The following NKAIN2 variants were observed in gnomAD, a reference collection of about 807,000 sequenced individuals.
NKAIN2 encodes the protein sodium/potassium transporting ATPase interacting 2.
NKAIN2 carries 14 observed loss-of-function variants against 32.6 expected under a neutral mutation model. The observed-to-expected ratio is 0.43, with a 90% CI of 0.28 to 0.67. The LOEUF is 0.67. Among genes scored for constraint, NKAIN2 ranks in the 30% least tolerant of loss-of-function variants. The pLI is 0.17. For synonymous variants in NKAIN2, 80 were observed against 87.2 expected, an observed-to-expected ratio of 0.92 and a Z score of 0.46; for missense variants, 198 against 258.3, an observed-to-expected ratio of 0.77 and a Z score of 1.60.
At chr6:124,398,830 T>C (rs1056993801) in intron 3 of NKAIN2, among the ~76,000 whole-genome samples, 1 of 152,182 alleles carries the variant, frequency 6.6e-6, no homozygotes, top group African/African-American at 2.4e-5. Flanking sequence ...AGTTTGAGAC[T>C]AAGTATATAC....
chr6:124,749,682 C>A (rs1777621645), intron 4 of NKAIN2, among the ~76,000 whole-genome samples: 1 of 151,870 alleles, frequency 6.6e-6, no homozygotes, highest in South Asian at 2.1e-4. Context: ...CTTTCAATCC[C>A]AGTGCACCCT....
chr6:124,785,330 T>C (rs748833429), intron 4 of NKAIN2, among the ~76,000 whole-genome samples: 2 of 152,172 alleles, frequency 1.3e-5, no homozygotes, highest in Non-Finnish European at 2.9e-5. Flanking sequence ...TATTGGAGCA[T>C]TTTTGCGATG....
chr6:123,969,708 T>G (rs1778251872), intron 1 of NKAIN2, among the ~76,000 whole-genome samples: 1 of 152,116 alleles, frequency 6.6e-6, no homozygotes, highest in Non-Finnish European at 1.5e-5. Context: ...CAGTTGCCAG[T>G]GTCTAGATGG....
At chr6:124,716,218 C>G (rs77907971) in intron 4 of NKAIN2, among the ~76,000 whole-genome samples, 1 of 152,330 alleles carries the variant, frequency 6.6e-6, no homozygotes, top group African/African-American at 2.4e-5. Context: ...AGACATTCCT[C>G]TCAGCTCTGT....
In NKAIN2 at chr6:124,807,069, A is replaced by G. The variant is rs1377546482; in HGVS notation, c.536-11318A>G. Among the ~76,000 whole-genome samples the G allele has an allele frequency of 4.0e-4, 61 of 151,938 alleles. No homozygotes were observed. In the South Asian group the frequency reaches 0.012, roughly 31 times the overall value. On this transcript the variant is annotated intron_variant, in intron 5 of 6. Coordinates refer to ENST00000368417, the MANE Select transcript of NKAIN2 (RefSeq NM_001040214.3). ...ACTTTAACACCCCACTGTCAACATTAGACAGATCAACGAGACAGAAAGTCA... is the reference window on the plus strand; with the variant it reads ...ACTTTAACACCCCACTGTCAACATTGGACAGATCAACGAGACAGAAAGTCA...
At chr6:124,313,183 T>A (rs575374895) in intron 2 of NKAIN2, among the ~76,000 whole-genome samples, 1 of 152,248 alleles carries the variant, frequency 6.6e-6, no homozygotes, top group African/African-American at 2.4e-5. Context: ...AGTTAGTGCA[T>A]CAAATCAAGC....
intron 4 of NKAIN2, among the ~76,000 whole-genome samples, chr6:124,721,374 C>A (rs1462642510): frequency 4.0e-5 from 6 of 148,570 alleles, no homozygotes; most frequent in African/African-American, 1.2e-4. Context: ...ACAGCACTCC[C>A]GCCTGGGCGA....
chr6:124,360,046 G>T (rs540586724), intron 3 of NKAIN2, among the ~76,000 whole-genome samples: 123 of 152,128 alleles, frequency 8.1e-4, no homozygotes, highest in South Asian at 2.7e-3. Context: ...GGTTTTTGTC[G>T]TTGGTTCTGT....
intron 4 of NKAIN2, among the ~76,000 whole-genome samples, chr6:124,753,074 T>C (rs796992450): frequency 1.6e-4 from 24 of 152,254 alleles, no homozygotes; most frequent in African/African-American, 5.5e-4. Context: ...AGTCACACTT[T>C]ATCAGTGTGA....
At chr6:124,014,703 A>G (rs926445631) in intron 1 of NKAIN2, among the ~76,000 whole-genome samples, 1 of 152,094 alleles carries the variant, frequency 6.6e-6, no homozygotes, top group Non-Finnish European at 1.5e-5. Flanking sequence ...TAAATAATAA[A>G]ATAATAGTTA....
intron 1 of NKAIN2, among the ~76,000 whole-genome samples, chr6:124,193,641 G>C (rs1290172264): frequency 6.6e-6 from 1 of 152,144 alleles, no homozygotes; most frequent in African/African-American, 2.4e-5. Flanking sequence ...TTGTTTTACA[G>C]CTCTTTTAGC....
chr6:124,150,231 C>T (rs1032294530), intron 1 of NKAIN2, among the ~76,000 whole-genome samples: 60 of 152,094 alleles, frequency 3.9e-4, no homozygotes, highest in Middle Eastern at 3.4e-3. Flanking sequence ...TGGCTATTAT[C>T]GGTTTCTTGT....
intron 3 of NKAIN2, among the ~76,000 whole-genome samples, chr6:124,484,829 G>GCATAAA (rs1265791444): frequency 6.6e-6 from 1 of 152,160 alleles, no homozygotes; most frequent in Admixed American, 6.5e-5. Flanking sequence ...ATACATGCAT[G>GCATAAA]TGTGTATGTC....
intron 2 of NKAIN2, among the ~76,000 whole-genome samples, chr6:124,344,670 G>T (rs1373881822): frequency 6.6e-6 from 1 of 152,078 alleles, no homozygotes; most frequent in Non-Finnish European, 1.5e-5. Context: ...TGTGATTTTT[G>T]CACATTTATT....
intron 3 of NKAIN2, among the ~76,000 whole-genome samples, chr6:124,449,137 A>C (rs1044676325): frequency 6.6e-5 from 10 of 152,176 alleles, no homozygotes; most frequent in African/African-American, 2.4e-4. Flanking sequence ...ATAGGAAGTC[A>C]GATAAGCGAC....
chr6:124,660,296 T>TAG (rs1292324709), intron 4 of NKAIN2, among the ~76,000 whole-genome samples: 3 of 152,204 alleles, frequency 2.0e-5, no homozygotes, highest in Admixed American at 6.5e-5. Context: ...TGACTATTTA[T>TAG]AGAGTTTTTT....
intron 2 of NKAIN2, among the ~76,000 whole-genome samples, chr6:124,316,038 T>C (rs1434057332): frequency 6.6e-6 from 1 of 151,926 alleles, no homozygotes; most frequent in Non-Finnish European, 1.5e-5. Context: ...AAAAATACAA[T>C]AAGGAGGAAT....
chr6:124,641,434 C>T (rs946185333), intron 3 of NKAIN2, among the ~76,000 whole-genome samples: 3 of 139,230 alleles, frequency 2.2e-5, no homozygotes, highest in Non-Finnish European at 4.6e-5. Flanking sequence ...ATAATTAAAA[C>T]ATATAATAGC....
chr6:124,330,844 A>G (rs570080276), intron 2 of NKAIN2, among the ~76,000 whole-genome samples: 43 of 152,254 alleles, frequency 2.8e-4, no homozygotes, highest in African/African-American at 8.9e-4. Context: ...CAGCAGTAGC[A>G]TTAGATTCTC....
Sources: allele counts gnomAD v4.1 joint callset (sites outside exome capture counted in the v4.1 genomes callset), GRCh38; gene constraint gnomAD v4.1.1; transcripts MANE v1.5; gene names NCBI Gene and HGNC (gene_info 2026-07-23, HGNC 2026-07-21).